Variants in DOCK9 observed in about 807,000 individuals in gnomAD.
DOCK9 encodes the protein dedicator of cytokinesis 9, also known as dedicator of cytokinesis protein 9.
A neutral mutation model predicts 263.3 loss-of-function variants in DOCK9; 89 were observed. That is an observed-to-expected ratio of 0.34 (90% CI 0.28 to 0.40). The LOEUF (loss-of-function observed/expected upper bound fraction) is 0.40, where lower values mean the gene tolerates loss of function less well. Among genes scored for constraint, DOCK9 ranks in the 10% least tolerant of loss-of-function variants. The pLI is 1.00. For missense variants in DOCK9, 2,140 were observed against 2,603.4 expected (o/e 0.82, Z 3.87); for synonymous variants, 976 against 973.1 (o/e 1.00, Z -0.06).
chr13:98,909,690 G>C (rs1346986247), intron 9 of DOCK9, among the ~76,000 whole-genome samples: 1 of 152,146 alleles, frequency 6.6e-6, no homozygotes, highest in Non-Finnish European at 1.5e-5. Context: ...CACAAGCCTA[G>C]CCAGCTCCTT....
intron 1 of DOCK9, among the ~76,000 whole-genome samples, chr13:99,079,480 TAATC>T (rs1180001160): frequency 6.6e-6 from 1 of 152,234 alleles, no homozygotes; most frequent in Non-Finnish European, 1.5e-5. Flanking sequence ...TTAGTCAAGA[TAATC>T]AATCTTCTCC....
chr13:98,801,337 G>T (rs1278369989), intron 49 of DOCK9, among the ~76,000 whole-genome samples: 2 of 151,932 alleles, frequency 1.3e-5, no homozygotes, highest in African/African-American at 2.4e-5. Flanking sequence ...AAAACACAAA[G>T]AATATACTCC....
At chr13:98,885,300 T>C in intron 20 of DOCK9, 1 of 692,426 alleles carries the variant, frequency 1.4e-6, no homozygotes, top group Non-Finnish European at 2.3e-6. Flanking sequence ...ACAATCTTCT[T>C]TTATAAAAAT....
At chr13:98,908,768 A>T (rs1192203280) in intron 9 of DOCK9, among the ~76,000 whole-genome samples, 1 of 152,236 alleles carries the variant, frequency 6.6e-6, no homozygotes, top group Non-Finnish European at 1.5e-5. Flanking sequence ...GAATGTGGGA[A>T]TGGAGGATGA....
chr13:98,952,969 T>C (rs1420431190), intron 2 of DOCK9, among the ~76,000 whole-genome samples: 5 of 152,204 alleles, frequency 3.3e-5, no homozygotes, highest in Admixed American at 2.0e-4. Flanking sequence ...TCTAATTTGT[T>C]CCCTCTGCCT....
At chr13:99,086,646 C>A (rs1171243034), upstream of DOCK9, 1 of 146,842 alleles carries the variant, frequency 6.8e-6, no homozygotes, top group Admixed American at 6.8e-5. Flanking sequence ...CCCCATGCCA[C>A]CAGCCTCCCT....
In DOCK9 at chr13:98,823,446, G is replaced by A. The variant is rs117643404; in HGVS notation, c.5130+952C>T. ...ATGGTTAAAAGCCCCAGTATCAACC[G>A]TATGCCACACCGCTGTGGCCCTGGA... On this transcript the variant is annotated intron_variant, in intron 45 of 52. Coordinates refer to ENST00000682017, the MANE Select transcript of DOCK9 (RefSeq NM_001366683.2). Among the ~76,000 whole-genome samples, 26 of 152,316 alleles carry A rather than the reference G, an allele frequency of 1.7e-4. No individual in the cohort carries two copies. In the East Asian group the frequency reaches 3.9e-3, roughly 23 times the overall value.
chr13:99,038,287 C>CTTTTTTTTTTTT (rs1555298970), intron 1 of DOCK9, among the ~76,000 whole-genome samples: 6 of 48,830 alleles, frequency 1.2e-4, no homozygotes, highest in East Asian at 1.2e-3. Context: ...TTTATGCCCC[C>CTTTTTTTTTTTT]CTTTTTTTTT....
chr13:98,980,794 T>G (rs1877008185), upstream of DOCK9, among the ~76,000 whole-genome samples: 1 of 152,240 alleles, frequency 6.6e-6, no homozygotes, highest in Admixed American at 6.5e-5. Context: ...TCCCTCTCTG[T>G]GGCTTGATTA....
chr13:98,850,186 T>C, intron 35 of DOCK9, 73 bp from the exon 36 acceptor site: 5 of 1,141,364 alleles, frequency 4.4e-6, no homozygotes, highest in Non-Finnish European at 6.0e-6. Flanking sequence ...GTTGTGAAAA[T>C]GGGAAGGAAC....
chr13:99,029,269 C>T (rs954049086), intron 1 of DOCK9, among the ~76,000 whole-genome samples: 11 of 152,200 alleles, frequency 7.2e-5, no homozygotes, highest in African/African-American at 1.9e-4. Flanking sequence ...GGGGCCTCTC[C>T]TCTAAGCTTC....
chr13:99,018,113 T>A (rs969281025), intron 1 of DOCK9, among the ~76,000 whole-genome samples: 4 of 152,066 alleles, frequency 2.6e-5, no homozygotes, highest in African/African-American at 9.7e-5. Context: ...GAAAAAGCAA[T>A]GTTTTCTGGA....
At chr13:98,951,903 C>CTTTTTTTTTTTTTTTTTTTTT (rs71114563) in intron 2 of DOCK9, among the ~76,000 whole-genome samples, 18 of 134,898 alleles carry the variant, frequency 1.3e-4, no homozygotes, top group South Asian at 2.5e-4. Flanking sequence ...TTAATATTCC[C>CTTTTTTTTTTTTTTTTTTTTT]TTTTTTTTTT....
intron 1 of DOCK9, among the ~76,000 whole-genome samples, chr13:99,012,702 C>G (rs1250777626): frequency 6.6e-6 from 1 of 152,146 alleles, no homozygotes; most frequent in Non-Finnish European, 1.5e-5. Flanking sequence ...TAGAGGTAGT[C>G]TGGACAATAT....
At chr13:98,869,578 G>A (rs147824536) in intron 27 of DOCK9, among the ~76,000 whole-genome samples, 1 of 152,282 alleles carries the variant, frequency 6.6e-6, no homozygotes, top group Non-Finnish European at 1.5e-5. Flanking sequence ...CCACAAGAGG[G>A]GGGTATTTTC....
At chr13:98,896,895 T>C (rs1251027261) in intron 15 of DOCK9, among the ~76,000 whole-genome samples, 1 of 152,198 alleles carries the variant, frequency 6.6e-6, no homozygotes, top group Non-Finnish European at 1.5e-5. Context: ...GCAGATGCAA[T>C]CAGTTAAGAT....
At chr13:98,904,944 A>G (rs1033456738) in intron 9 of DOCK9, among the ~76,000 whole-genome samples, 2 of 152,236 alleles carry the variant, frequency 1.3e-5, no homozygotes, top group Non-Finnish European at 2.9e-5. Context: ...GGCAGAGTCA[A>G]AGTCAACACA....
intron 39 of DOCK9, chr13:98,832,210 G>A (rs528933572): frequency 5.9e-6 from 1 of 169,580 alleles, no homozygotes; most frequent in Admixed American, 5.6e-5. Context: ...TTCGAAAAGG[G>A]AAAAGTGATC....
chr13:98,877,935 G>C (rs1398141500), intron 27 of DOCK9, among the ~76,000 whole-genome samples: 2 of 152,214 alleles, frequency 1.3e-5, no homozygotes, highest in Non-Finnish European at 2.9e-5. Flanking sequence ...CTGGCGCCTC[G>C]TCATGGGCTG....
Sources: gnomAD v4.1 joint callset for allele counts (sites outside exome capture counted in the v4.1 genomes callset) on GRCh38, gnomAD v4.1.1 for gene constraint, MANE v1.5 for transcripts, NCBI Gene and HGNC (gene_info 2026-07-23, HGNC 2026-07-21) for gene names.